Variants in RNLS observed in about 807,000 individuals in gnomAD.
RNLS encodes renalase.
A neutral mutation model predicts 39.8 loss-of-function variants in RNLS; 39 were observed. The observed-to-expected ratio is 0.98, with a 90% CI of 0.76 to 1.28. The LOEUF is 1.28. RNLS is among the 50% of genes most tolerant of loss of function. The pLI is 0.00. For synonymous variants in RNLS, 147 were observed against 150.7 expected (o/e 0.98, Z 0.18); for missense variants, 410 against 413.3 (o/e 0.99, Z 0.07).
chr10:88,442,206 T>G (rs540397498), intron 4 of RNLS, among the ~76,000 whole-genome samples: 3 of 152,356 alleles, frequency 2.0e-5, no homozygotes, highest in Admixed American at 2.0e-4. Flanking sequence ...TTGTTGTTAC[T>G]TAGCATTTCC....
intron 5 of RNLS, among the ~76,000 whole-genome samples, chr10:88,351,966 T>C (rs937635650): frequency 6.6e-6 from 1 of 152,238 alleles, no homozygotes; most frequent in Non-Finnish European, 1.5e-5. Flanking sequence ...TTTGAAGCAA[T>C]TGTGAATGGG....
At chr10:88,532,145 G>A (rs914189180) in intron 4 of RNLS, among the ~76,000 whole-genome samples, 8 of 151,946 alleles carry the variant, frequency 5.3e-5, no homozygotes, top group Non-Finnish European at 8.8e-5. Flanking sequence ...TCATGTTTAC[G>A]ACAGCCTTTA....
At position 88,315,939 on chromosome 10, in the gene RNLS, C is replaced by T. The variant is rs185581672; in HGVS notation, c.701-1298G>A. 1.0e-3 allele frequency among the ~76,000 whole-genome samples: 156 copies of T among 152,112 alleles called. 3 individuals carry two copies. The South Asian group carries it at 0.015, about 15-fold the overall frequency. On this transcript the variant is annotated intron_variant, in intron 5 of 6. Transcript: ENST00000331772. ...ATGGAAGCAATAAGCCAGAGACACG[C>T]GTAAAGCTTCCTCAGTGTTGCCTAA...
intron 6 of RNLS, among the ~76,000 whole-genome samples, chr10:88,295,693 A>G (rs372814331): frequency 9.9e-5 from 15 of 152,256 alleles, no homozygotes; most frequent in Non-Finnish European, 8.8e-5. Context: ...GCATTTGTCT[A>G]TTCTATTTTA....
At chr10:88,211,463 C>G in the RNLS span, among the ~76,000 whole-genome samples, 1 of 152,124 alleles carries the variant, frequency 6.6e-6, no homozygotes, top group African/African-American at 2.4e-5. Context: ...GTGCTATGAG[C>G]AAAAAGCACA....
At chr10:88,330,603 G>A (rs1026940642) in intron 5 of RNLS, among the ~76,000 whole-genome samples, 4 of 151,982 alleles carry the variant, frequency 2.6e-5, no homozygotes, top group African/African-American at 9.7e-5. Context: ...ATGGAAAAAA[G>A]ATGTATAATT....
intron 4 of RNLS, among the ~76,000 whole-genome samples, chr10:88,493,928 G>A (rs1469084413): frequency 6.6e-6 from 1 of 152,094 alleles, no homozygotes; most frequent in Non-Finnish European, 1.5e-5. Flanking sequence ...GGAGAACACT[G>A]GAAGACATTC....
chr10:88,453,936 AAAAC>A (rs1277842166), intron 4 of RNLS, among the ~76,000 whole-genome samples: 2 of 152,238 alleles, frequency 1.3e-5, no homozygotes, highest in East Asian at 3.8e-4. Context: ...TGTGGAATTA[AAAAC>A]AAACAAGAAC....
chr10:88,468,855 C>G (rs895437830), intron 4 of RNLS, among the ~76,000 whole-genome samples: 2 of 152,124 alleles, frequency 1.3e-5, no homozygotes, highest in African/African-American at 4.8e-5. Flanking sequence ...ACCAAGAACT[C>G]TTGATGCAGA....
At chr10:88,543,335 G>C (rs74631762) in intron 4 of RNLS, among the ~76,000 whole-genome samples, 2,669 of 152,218 alleles carry the variant, frequency 0.018, 82 homozygotes, top group African/African-American at 0.06. Context: ...AGTTGAGGCA[G>C]TGATAACTGT....
intron 3 of RNLS, among the ~76,000 whole-genome samples, chr10:88,575,218 ATAT>A (rs1564915206): frequency 1.1e-5 from 1 of 88,890 alleles, no homozygotes; most frequent in African/African-American, 5.4e-5. Flanking sequence ...GTGTGTGTAT[ATAT>A]ATATATATAT....
At position 88,583,207 on chromosome 10, in the gene RNLS, G is replaced by T; in HGVS notation, c.-17C>A. On this transcript the variant is annotated 5_prime_UTR_variant, in exon 1 of 7. Transcript: ENST00000331772. ...CTGCGCCATGGCGAGAGGGAGCAGC[G>T]ATCCGCGCTGAGTCTCTGCGGCGGG... 1 of 1,613,258 alleles carries T rather than the reference G, an allele frequency of 6.2e-7. No individual in the cohort carries two copies. Among genetic ancestry groups the T allele is most frequent in the Non-Finnish European group, 8.5e-7 (1 of 1,179,782 alleles).
At chr10:88,210,823 T>C in the RNLS span, among the ~76,000 whole-genome samples, 3 of 152,098 alleles carry the variant, frequency 2.0e-5, no homozygotes, top group African/African-American at 7.2e-5. Context: ...GAAAGGGTTA[T>C]TTTCAAACTC....
intron 5 of RNLS, among the ~76,000 whole-genome samples, chr10:88,354,445 G>A (rs542689497): frequency 3.6e-4 from 55 of 152,254 alleles, no homozygotes; most frequent in African/African-American, 1.2e-3. Context: ...TTGCTTGTCT[G>A]TAAAGGATTT....
downstream of RNLS, among the ~76,000 whole-genome samples, chr10:88,271,503 T>C (rs1337692983): frequency 6.6e-6 from 1 of 152,184 alleles, no homozygotes; most frequent in Non-Finnish European, 1.5e-5. Flanking sequence ...GGACCATTTA[T>C]GCTGAATTAG....
the RNLS span, among the ~76,000 whole-genome samples, chr10:88,268,518 C>T: frequency 6.6e-6 from 1 of 152,180 alleles, no homozygotes; most frequent in African/African-American, 2.4e-5. Context: ...TGCTGTATAT[C>T]TCTCTCACTA....
At chr10:88,343,761 A>T (rs1848122850) in intron 5 of RNLS, 10 of 985,262 alleles carry the variant, frequency 1.0e-5, no homozygotes, top group Non-Finnish European at 1.2e-5. Flanking sequence ...ACATCTATTT[A>T]TCCTGGGACA....
At chr10:88,309,467 C>G (rs921371092) in intron 6 of RNLS, 22 of 1,289,648 alleles carry the variant, frequency 1.7e-5, no homozygotes, top group Non-Finnish European at 2.2e-5. Flanking sequence ...CTTCCCCCAC[C>G]AAACAAAATC....
At chr10:88,173,122 T>A in the RNLS span, among the ~76,000 whole-genome samples, 1 of 152,048 alleles carries the variant, frequency 6.6e-6, no homozygotes, top group Non-Finnish European at 1.5e-5. Flanking sequence ...CCTCCCAAAG[T>A]GCTGGGATTA....
Sources: gnomAD v4.1 joint callset for allele counts (sites outside exome capture counted in the v4.1 genomes callset) on GRCh38, gnomAD v4.1.1 for gene constraint, MANE v1.5 for transcripts, NCBI Gene and HGNC (gene_info 2026-07-23, HGNC 2026-07-21) for gene names.